RAPGEF1: variants seen among roughly 807,000 people sequenced by gnomAD.
The protein encoded by RAPGEF1 is Rap guanine nucleotide exchange factor 1.
A neutral mutation model predicts 143.3 loss-of-function variants in RAPGEF1; 33 were observed. The observed-to-expected ratio is 0.23, with a 90% CI of 0.17 to 0.31. The LOEUF (loss-of-function observed/expected upper bound fraction) is 0.31. Among genes scored for constraint, RAPGEF1 ranks in the 10% least tolerant of loss-of-function variants. The probability of loss-of-function intolerance (pLI) is 1.00; values close to 1 mark genes in which losing one functional copy is unlikely to be tolerated. For synonymous variants in RAPGEF1, 629 were observed against 676.5 expected (o/e 0.93, Z 1.09); for missense variants, 1,199 against 1,645.4 (o/e 0.73, Z 4.69).
At chr9:131,588,694 C>G in intron 20 of RAPGEF1, 107 bp downstream of exon 20, 1 of 1,195,670 alleles carries the variant, frequency 8.4e-7, no homozygotes, top group Non-Finnish European at 1.1e-6. Flanking sequence ...CATCAAAGGG[C>G]CTGTGCAGAA....
Position 131,655,943 on chromosome 9 carries a change from C to T in RAPGEF1, c.62-4994G>A, listed in dbSNP as rs1366422552. ...GAGTCAGAATGTTTGCATTCAAATA[C>T]TTAGATATCATCTCTCTAAATCTTT... is the stretch of plus-strand genomic sequence containing the variant. On this transcript the variant is annotated intron_variant, in intron 1 of 26. Transcript: ENST00000683357. The surrounding 1 kb of genome is among the most constrained non-coding windows in gnomAD (Gnocchi z 4.1). Among the ~76,000 whole-genome samples, 1 of 152,116 alleles carries T rather than the reference C, an allele frequency of 6.6e-6. No homozygotes were observed. Among genetic ancestry groups the T allele is most frequent in the Non-Finnish European group, 1.5e-5 (1 of 68,024 alleles).
chr9:131,604,061 A>G lies in RAPGEF1; in HGVS notation c.2320-8T>C, dbSNP rs776964649. ...CTCACTGGCGTTTTCACTCTGGGGG[A>G]GACAGGACGAGAGGAAAGACACATG... On this transcript the variant is annotated splice_region_variant and splice_polypyrimidine_tract_variant and intron_variant, in intron 13 of 26. Transcript: ENST00000683357. 1.5e-6 allele frequency: 2 copies of G among 1,314,566 alleles called. No homozygotes were observed. Among genetic ancestry groups the G allele is most frequent in the South Asian group, 1.2e-5 (1 of 82,280 alleles). 81.4% of individuals were successfully genotyped at this position (1,314,566 alleles called of 1,614,324 possible). A position where few individuals can be genotyped will look rare whatever the true frequency, so the allele number is the denominator to read the frequency against.
chr9:131,638,810 T>C lies in RAPGEF1; in HGVS notation c.495-19A>G. ...GGCTGAGCTACAGGGAAGAGAAGAA[T>C]GGAAAAAAAGAAAATCTAAAGCATG... On this transcript the variant is annotated intron_variant, in intron 4 of 26. Coordinates refer to ENST00000683357, the MANE Select transcript of RAPGEF1 (RefSeq NM_001377935.1). 4 of 1,609,766 alleles carry C rather than the reference T, an allele frequency of 2.5e-6. No individual in the cohort carries two copies. Among genetic ancestry groups the C allele is most frequent in the Non-Finnish European group, 3.4e-6 (4 of 1,177,692 alleles).
intron 1 of RAPGEF1, among the ~76,000 whole-genome samples, chr9:131,715,205 G>C (rs755607707): frequency 2.6e-5 from 4 of 152,210 alleles, no homozygotes; most frequent in Non-Finnish European, 5.9e-5. Flanking sequence ...CCAACACGGA[G>C]CTTGGGGAGG....
intron 1 of RAPGEF1, among the ~76,000 whole-genome samples, chr9:131,728,842 TC>T (rs1383636903): frequency 6.6e-5 from 10 of 152,220 alleles, no homozygotes; most frequent in African/African-American, 2.4e-4. Flanking sequence ...TTCTTATGTG[TC>T]CAGACTCTGA....
Position 131,650,883 on chromosome 9 carries a change from A to C in RAPGEF1, c.128T>G (p.Ile43Ser). 5 of 1,613,894 alleles carry C rather than the reference A, an allele frequency of 3.1e-6. No homozygotes were observed. Among genetic ancestry groups the C allele is most frequent in the Non-Finnish European group, 4.2e-6 (5 of 1,179,860 alleles). ...TCCCTTCTTTGATGGCGTTCTCTTG[A>C]TTTTGGGTGAGTGGAATTTGTCCAT... Reference protein sequence around the residue: ...KLMDKFHSPKIKRTPSKKGKP... With the variant: ...KLMDKFHSPKSKRTPSKKGKP... The change falls in exon 2 of 27, where the codon ATC becomes AGC. Residue 43 changes from isoleucine (I) to serine (S), a missense_variant. By Grantham distance (142) the Ile-to-Ser change is moderately radical. Around this residue, in one of 6 missense-constraint regions of RAPGEF1, gnomAD observed 613 missense variants for 710.9 expected, o/e 0.86. Coordinates refer to ENST00000683357, the MANE Select transcript of RAPGEF1 (RefSeq NM_001377935.1). The surrounding 1 kb of genome is among the most constrained non-coding windows in gnomAD (Gnocchi z 4.7).
intron 1 of RAPGEF1, among the ~76,000 whole-genome samples, chr9:131,733,374 G>C (rs1034313275): frequency 9.3e-5 from 12 of 129,330 alleles, no homozygotes; most frequent in Admixed American, 3.9e-4. Context: ...GCGGGGGGGG[G>C]GGTGGTGCGG....
At chr9:131,585,444 G>C (rs1460481081) in intron 22 of RAPGEF1, among the ~76,000 whole-genome samples, 1 of 152,202 alleles carries the variant, frequency 6.6e-6, no homozygotes, top group African/African-American at 2.4e-5. Context: ...GCCTCCCAAA[G>C]TCCTGGGATT....
Position 131,580,333 on chromosome 9 carries a change from C to T in RAPGEF1, c.3571G>A (p.Gly1191Arg), listed in dbSNP as rs372628000. The T allele has an allele frequency of 1.1e-5, 17 of 1,613,844 alleles. No homozygotes were observed. The highest frequency in any genetic ancestry group is 4.5e-5 in the East Asian group (2 of 44,886). ...VHLGNPDYIDGKVNFSKRWQQ... is the reference protein window; with the variant it reads ...VHLGNPDYIDRKVNFSKRWQQ... ...CACCGCTTGGAGAAGTTCACTTTCC[C>T]GTCGATGTAGTCTGGGTTTCCCAGG... is the stretch of plus-strand genomic sequence containing the variant. The change falls in exon 26 of 27, where the codon GGG becomes AGG. Residue 1191 changes from glycine (G) to arginine (R), a missense_variant. This residue lies in a region of RAPGEF1 where 67 missense variants were observed against 105.4 expected (regional missense o/e 0.64). Coordinates refer to ENST00000683357, the MANE Select transcript of RAPGEF1 (RefSeq NM_001377935.1).
chr9:131,608,319 G>T (rs907601752), intron 12 of RAPGEF1, among the ~76,000 whole-genome samples: 4 of 152,202 alleles, frequency 2.6e-5, no homozygotes, highest in Non-Finnish European at 5.9e-5. Flanking sequence ...TTCAGTAGGG[G>T]CCTAATACAT....
chr9:131,697,250 G>A (rs1834257358), intron 1 of RAPGEF1, among the ~76,000 whole-genome samples: 1 of 150,246 alleles, frequency 6.7e-6, no homozygotes, highest in Non-Finnish European at 1.5e-5. Context: ...GGGACTCCAA[G>A]AAGGGCCCAG....
chr9:131,670,595 G>A (rs6597521), intron 1 of RAPGEF1, among the ~76,000 whole-genome samples: 3,698 of 152,290 alleles, frequency 0.024, 153 homozygotes, highest in African/African-American at 0.084. Flanking sequence ...CTGGTTCATA[G>A]CAGACGCACA....
intron 15 of RAPGEF1, among the ~76,000 whole-genome samples, chr9:131,600,218 C>A (rs1477025527): frequency 6.6e-6 from 1 of 152,192 alleles, no homozygotes. Context: ...CGTCAATGTT[C>A]ACCCTGTGGT....
intron 1 of RAPGEF1, among the ~76,000 whole-genome samples, chr9:131,726,454 C>T (rs769852069): frequency 6.6e-6 from 1 of 151,928 alleles, no homozygotes; most frequent in African/African-American, 2.4e-5. Flanking sequence ...TGGTGAAACC[C>T]GTCTCTACTA....
chr9:131,628,446 C>G lies in RAPGEF1; in HGVS notation c.1017+103G>C. The G allele has an allele frequency of 6.8e-7, 1 of 1,460,422 alleles. No individual in the cohort carries two copies. The highest frequency in any genetic ancestry group is 9.3e-7 in the Non-Finnish European group (1 of 1,078,204). 90.5% of individuals were successfully genotyped at this position (1,460,422 alleles called of 1,614,324 possible). A position where few individuals can be genotyped will look rare whatever the true frequency, so the allele number is the denominator to read the frequency against. On this transcript the variant is annotated intron_variant, in intron 8 of 26. Coordinates refer to ENST00000683357, the MANE Select transcript of RAPGEF1 (RefSeq NM_001377935.1). The surrounding 1 kb of genome is among the most constrained non-coding windows in gnomAD (Gnocchi z 5.7). ...CTCGCACTCCTCGATGTGACAAACACCAGCGCCTGAAGACCATGGGTTTCT... is the reference window on the plus strand; with the variant it reads ...CTCGCACTCCTCGATGTGACAAACAGCAGCGCCTGAAGACCATGGGTTTCT...
In RAPGEF1 at chr9:131,628,706, C is replaced by A; in HGVS notation, c.894-34G>T. On this transcript the variant is annotated intron_variant, in intron 7 of 26. Transcript: ENST00000683357. This position sits in a 1 kb window ranked among gnomAD's most constrained non-coding sequence, Gnocchi z 5.7. ...GACCGAAACGTCCAGGCAGACCAAA[C>A]CACACTCACCAAAGCTCTTCAGCGT... 2 of 1,560,588 alleles carry A rather than the reference C, an allele frequency of 1.3e-6. No individual in the cohort carries two copies. Among genetic ancestry groups the A allele is most frequent in the Non-Finnish European group, 1.7e-6 (2 of 1,147,990 alleles).
chr9:131,627,539 C>T (rs928989800), intron 9 of RAPGEF1, among the ~76,000 whole-genome samples: 9 of 152,180 alleles, frequency 5.9e-5, no homozygotes, highest in Non-Finnish European at 1.3e-4. Flanking sequence ...GGCCGGCTCG[C>T]GCGGCTCCCT....
intron 1 of RAPGEF1, among the ~76,000 whole-genome samples, chr9:131,734,313 T>G (rs1442777059): frequency 6.6e-6 from 1 of 152,170 alleles, no homozygotes; most frequent in Admixed American, 6.5e-5. Context: ...AGAGGGATAC[T>G]CCGCCCTGCC....
chr9:131,581,181 A>G (rs1951813820), intron 25 of RAPGEF1, among the ~76,000 whole-genome samples: 1 of 151,906 alleles, frequency 6.6e-6, no homozygotes, highest in Non-Finnish European at 1.5e-5. Flanking sequence ...AAAGAAAAAA[A>G]AAAAGAGTTT....
Sources: allele counts gnomAD v4.1 joint callset (sites outside exome capture counted in the v4.1 genomes callset), GRCh38; gene constraint gnomAD v4.1.1; regional missense constraint gnomAD v4.1.1; non-coding constraint Gnocchi (gnomAD v3.1); transcripts MANE v1.5; gene names NCBI Gene and HGNC (gene_info 2026-07-23, HGNC 2026-07-21).